LRRFIP2: variants seen among roughly 807,000 people sequenced by gnomAD.
LRRFIP2 encodes leucine-rich repeat flightless-interacting protein 2.
In LRRFIP2, 109 loss-of-function variants were observed where a neutral mutation model predicts 125.9. That is an observed-to-expected ratio of 0.87 (90% CI 0.74 to 1.01). The LOEUF (loss-of-function observed/expected upper bound fraction) is 1.01. LRRFIP2 is among the 50% of genes least tolerant of loss of function. LRRFIP2 has a pLI of 0.00. For synonymous variants in LRRFIP2, 291 were observed against 293.1 expected, an observed-to-expected ratio of 0.99 and a Z score of 0.07; for missense variants, 850 against 862.3, an observed-to-expected ratio of 0.99 and a Z score of 0.18.
chr3:37,066,475 G>A (rs1445458432), intron 21 of LRRFIP2, 150 bp from the exon 22 acceptor site: 1 of 659,270 alleles, frequency 1.5e-6, no homozygotes, highest in African/African-American at 1.8e-5. Flanking sequence ...GTCAGATATG[G>A]GAGGAAATAC....
chr3:37,150,469 T>TA (rs1334901932), intron 1 of LRRFIP2, among the ~76,000 whole-genome samples: 1 of 151,530 alleles, frequency 6.6e-6, no homozygotes, highest in Admixed American at 6.6e-5. Flanking sequence ...TCTCGAAATA[T>TA]AAAAAAAAGA....
At chr3:37,117,390 G>A (rs2094838745) in intron 6 of LRRFIP2, among the ~76,000 whole-genome samples, 1 of 151,928 alleles carries the variant, frequency 6.6e-6, no homozygotes. Flanking sequence ...GAATCTATCT[G>A]GTAGGAAAAT....
At chr3:37,166,366 A>T (rs1034651642) in intron 1 of LRRFIP2, among the ~76,000 whole-genome samples, 42 of 152,116 alleles carry the variant, frequency 2.8e-4, no homozygotes, top group Admixed American at 1.7e-3. Flanking sequence ...TAAAATAAAA[A>T]CAAAACTGTG....
In LRRFIP2 at chr3:37,117,117, CTTTTG is replaced by C. The variant is rs72315893; in HGVS notation, c.331-2027_331-2023del. On this transcript the variant is annotated intron_variant, in intron 6 of 27. Coordinates refer to ENST00000336686, the MANE Select transcript of LRRFIP2 (RefSeq NM_006309.4). ...TTTCTAAATTAAAAAAAATCTAACC[CTTTTG>C]TTTAAAAAAAAAAAAAAAACCTCCA... Among the ~76,000 whole-genome samples the C allele has an allele frequency of 1.7e-3, 251 of 150,246 alleles. 1 individual carries two copies. The highest frequency in any genetic ancestry group is 5.3e-3 in the African/African-American group (218 of 41,040).
At chr3:37,065,537 G>T in intron 23 of LRRFIP2, 4 of 582,780 alleles carry the variant, frequency 6.9e-6, no homozygotes, top group South Asian at 4.6e-5. Context: ...AGAACAGTTT[G>T]TAGTTAAGTA....
chr3:37,098,662 G>A (rs2093859738), intron 15 of LRRFIP2, among the ~76,000 whole-genome samples: 1 of 151,892 alleles, frequency 6.6e-6, no homozygotes, highest in African/African-American at 2.4e-5. Flanking sequence ...CAAAGTGCTG[G>A]GATTACAGGC....
chr3:37,148,770 A>T, intron 2 of LRRFIP2, 124 bp downstream of exon 2: 1 of 949,180 alleles, frequency 1.1e-6, no homozygotes, highest in Non-Finnish European at 1.6e-6. Flanking sequence ...ACTAGCTATA[A>T]CATCTTGCTC....
intron 17 of LRRFIP2, 93 bp from the exon 18 acceptor site, chr3:37,091,631 A>G (rs374184361): frequency 4.4e-6 from 4 of 901,144 alleles, no homozygotes; most frequent in African/African-American, 1.7e-5. Context: ...TCACTTTTGT[A>G]TATTCCAGAC....
At chr3:37,121,797 A>G in intron 4 of LRRFIP2, 106 bp from the exon 5 acceptor site, 1 of 1,040,180 alleles carries the variant, frequency 9.6e-7, no homozygotes, top group Non-Finnish European at 1.5e-6. Flanking sequence ...ACAACTCCTG[A>G]GAGCAGGCAG....
chr3:37,054,256 C>T (rs1396436371), intron 27 of LRRFIP2, among the ~76,000 whole-genome samples, 155 bp downstream of exon 27: 1 of 152,156 alleles, frequency 6.6e-6, no homozygotes, highest in Non-Finnish European at 1.5e-5. Context: ...AAGTAAATGG[C>T]AGTCACTATG....
intron 2 of LRRFIP2, among the ~76,000 whole-genome samples, chr3:37,148,034 A>G (rs77752459): frequency 9.9e-5 from 15 of 152,214 alleles, no homozygotes; most frequent in Non-Finnish European, 2.2e-4. Flanking sequence ...CTGAACCGAC[A>G]TGAAATATTG....
chr3:37,064,819 T>G (rs531620253), intron 23 of LRRFIP2: 1 of 152,152 alleles, frequency 6.6e-6, no homozygotes, highest in Non-Finnish European at 1.5e-5. Context: ...TGGTTTCTTC[T>G]GCACCTTCCA....
intron 2 of LRRFIP2, among the ~76,000 whole-genome samples, chr3:37,144,887 C>T (rs1416163747): frequency 6.6e-6 from 1 of 152,022 alleles, no homozygotes; most frequent in Non-Finnish European, 1.5e-5. Flanking sequence ...ATTTGAAATA[C>T]AAAATTTGAG....
chr3:37,066,368 A>G (rs752192274), intron 21 of LRRFIP2, 43 bp from the exon 22 acceptor site: 1 of 1,474,256 alleles, frequency 6.8e-7, no homozygotes, highest in Non-Finnish European at 9.5e-7. Context: ...GGCACAGAAA[A>G]AGAGCAGGTG....
At chr3:37,067,461 C>A (rs1439585287) in intron 21 of LRRFIP2, 1 of 152,166 alleles carries the variant, frequency 6.6e-6, no homozygotes, top group African/African-American at 2.4e-5. Flanking sequence ...TATTTAATGT[C>A]TTCTGTTAGC....
At chr3:37,085,063 A>G (rs2092942553) in intron 18 of LRRFIP2, among the ~76,000 whole-genome samples, 1 of 152,244 alleles carries the variant, frequency 6.6e-6, no homozygotes, top group South Asian at 2.1e-4. Context: ...AAAAGAATGA[A>G]GTTGGACTCC....
chr3:37,143,330 G>C (rs776628362), intron 2 of LRRFIP2, among the ~76,000 whole-genome samples: 3 of 152,248 alleles, frequency 2.0e-5, no homozygotes, highest in Non-Finnish European at 4.4e-5. Flanking sequence ...GGGCAGTCAT[G>C]AAGATGGTCT....
At chr3:37,139,362 T>C (rs1395278101) in intron 2 of LRRFIP2, among the ~76,000 whole-genome samples, 1 of 152,176 alleles carries the variant, frequency 6.6e-6, no homozygotes, top group East Asian at 1.9e-4. Flanking sequence ...TTCCAAGATA[T>C]ATAATGTAAA....
chr3:37,120,789 A>G (rs1055424166), intron 6 of LRRFIP2, among the ~76,000 whole-genome samples: 1 of 152,098 alleles, frequency 6.6e-6, no homozygotes, highest in Non-Finnish European at 1.5e-5. Context: ...TTAAAATAAA[A>G]AAAATTTTAA....
Sources: allele counts gnomAD v4.1 joint callset (sites outside exome capture counted in the v4.1 genomes callset), GRCh38; gene constraint gnomAD v4.1.1; transcripts MANE v1.5; gene names NCBI Gene and HGNC (gene_info 2026-07-23, HGNC 2026-07-21).